PCDHGA8: variants seen among roughly 807,000 people sequenced by gnomAD.
PCDHGA8 encodes protocadherin gamma subfamily A, 8.
In PCDHGA8, 45 loss-of-function variants were observed where a neutral mutation model predicts 59.2. The ratio of observed to expected loss-of-function variants is 0.76; its 90% CI spans 0.60 to 0.98. The LOEUF is 0.98. Among genes scored for constraint, PCDHGA8 ranks in the 50% least tolerant of loss-of-function variants. The pLI is 0.00. For missense variants in PCDHGA8, 1,257 were observed against 1,196.2 expected (o/e 1.05, Z -0.75); for synonymous variants, 531 against 519.0 (o/e 1.02, Z -0.32).
chr5:141,491,178 C>T lies in PCDHGA8; in HGVS notation c.2425-3629C>T, dbSNP rs774139827. 6.2e-7 allele frequency: 1 copy of T among 1,614,146 alleles called. No individual in the cohort carries two copies. The highest frequency in any genetic ancestry group is 8.5e-7 in the Non-Finnish European group (1 of 1,179,992). On this transcript the variant is annotated intron_variant, in intron 1 of 3. Coordinates refer to ENST00000398604, the MANE Select transcript of PCDHGA8 (RefSeq NM_032088.2). The surrounding 1 kb of genome is among the most constrained non-coding windows in gnomAD (Gnocchi z 6.9). ...ACTCTGACACCCAGCAGGTGGTGGT[C>T]CTGGTGAGGGACAATGGTGACCCTT...
chr5:141,417,878 C>T, intron 1 of PCDHGA8: 1 of 1,558,216 alleles, frequency 6.4e-7, no homozygotes, highest in Non-Finnish European at 8.7e-7. Context: ...GAGCTGCGCG[C>T]AGAGGCGCCG....
At position 141,413,701 on chromosome 5, in the gene PCDHGA8, C is replaced by T. The variant is rs764950275; in HGVS notation, c.2424+18464C>T. 1.1e-4 allele frequency: 177 copies of T among 1,613,654 alleles called. No individual in the cohort carries two copies. The Admixed American group carries it at 2.9e-3, about 27-fold the overall frequency. On this transcript the variant is annotated intron_variant, in intron 1 of 3. Coordinates refer to ENST00000398604, the MANE Select transcript of PCDHGA8 (RefSeq NM_032088.2). ...CGTGAACTCCCTGCAGAGCTATCAG[C>T]TCAGCCCCAATAAGCACTTCTCCCT...
At chr5:141,501,901 C>T (rs1595767273) in intron 2 of PCDHGA8, among the ~76,000 whole-genome samples, 1 of 152,070 alleles carries the variant, frequency 6.6e-6, no homozygotes, top group Non-Finnish European at 1.5e-5. Context: ...TGGTTCCAAC[C>T]CCACTGTTCC....
At chr5:141,510,844 C>A in intron 3 of PCDHGA8, 103 bp from the exon 4 acceptor site, 1 of 1,592,684 alleles carries the variant, frequency 6.3e-7, no homozygotes, top group South Asian at 1.1e-5. Context: ...GTGGTCAAGG[C>A]CCAGGGTGCT....
At chr5:141,403,046 C>T in intron 1 of PCDHGA8, 1 of 1,614,056 alleles carries the variant, frequency 6.2e-7, no homozygotes, top group Non-Finnish European at 8.5e-7. Flanking sequence ...CAGTCAGATT[C>T]GCTACTCAGT....
intron 1 of PCDHGA8, among the ~76,000 whole-genome samples, chr5:141,463,642 G>A (rs573143516): frequency 6.6e-6 from 1 of 151,750 alleles, no homozygotes; most frequent in South Asian, 2.1e-4. Context: ...TAGTAGAGAC[G>A]GGGTTTCACC....
intron 1 of PCDHGA8, chr5:141,410,296 A>G (rs1424650333): frequency 6.2e-7 from 1 of 1,613,774 alleles, no homozygotes; most frequent in Admixed American, 1.7e-5. Flanking sequence ...CCTTGGCCTT[A>G]ATCTCAGTGC....
chr5:141,491,795 C>G lies in PCDHGA8; in HGVS notation c.2425-3012C>G. The G allele has an allele frequency of 6.6e-7, 1 of 1,511,694 alleles. No individual in the cohort carries two copies. The highest frequency in any genetic ancestry group is 8.8e-7 in the Non-Finnish European group (1 of 1,130,430). The allele number at this position is 1,511,694 out of a possible 1,614,324, so 93.6% of individuals were successfully genotyped here. On this transcript the variant is annotated intron_variant, in intron 1 of 3. Transcript: ENST00000398604. The surrounding 1 kb of genome is among the most constrained non-coding windows in gnomAD (Gnocchi z 6.9). ...GGATTGAACTTGCATCCACTCCTCT[C>G]CGGCCGGCTTGGTCGCTGGCTGCGC...
At chr5:141,418,863 TAG>T (rs1165304037) in intron 1 of PCDHGA8, 1 of 1,613,990 alleles carries the variant, frequency 6.2e-7, no homozygotes, top group Non-Finnish European at 8.5e-7. Context: ...AAAGTAATTG[TAG>T]AAGTTGTAGA....
intron 1 of PCDHGA8, chr5:141,410,723 T>G: frequency 7.2e-7 from 1 of 1,391,168 alleles, no homozygotes; most frequent in Non-Finnish European, 9.6e-7. Context: ...ATGTTTAAAA[T>G]CCATAGCTTT....
At chr5:141,484,880 T>G (rs1258072805) in intron 1 of PCDHGA8, 3 of 336,846 alleles carry the variant, frequency 8.9e-6, no homozygotes, top group Admixed American at 9.2e-5. Flanking sequence ...GAGGATAGGG[T>G]GGGCTTTTTC....
chr5:141,418,869 T>A (rs1261615662), intron 1 of PCDHGA8: 1 of 1,613,830 alleles, frequency 6.2e-7, no homozygotes, highest in Non-Finnish European at 8.5e-7. Flanking sequence ...ATTGTAGAAG[T>A]TGTAGACGAA....
At chr5:141,416,124 AT>A (rs1297389183) in intron 1 of PCDHGA8, 1 of 154,644 alleles carries the variant, frequency 6.5e-6, no homozygotes, top group Non-Finnish European at 1.4e-5. Flanking sequence ...CATTTTATAT[AT>A]TTTTCAATCT....
In PCDHGA8 at chr5:141,432,361, G is replaced by A; in HGVS notation, c.2424+37124G>A. 1 of 1,614,230 alleles carries A rather than the reference G, an allele frequency of 6.2e-7. No individual in the cohort carries two copies. Among genetic ancestry groups the A allele is most frequent in the Non-Finnish European group, 8.5e-7 (1 of 1,180,050 alleles). On this transcript the variant is annotated intron_variant, in intron 1 of 3. Coordinates refer to ENST00000398604, the MANE Select transcript of PCDHGA8 (RefSeq NM_032088.2). The surrounding 1 kb of genome is among the most constrained non-coding windows in gnomAD (Gnocchi z 6.0). Reference sequence around the variant, plus strand: ...GAGACTTGCAAGTGAAAGTGATGGCGCGGGACAACGGGCACCCGCCCCTCA... The same window carrying A: ...GAGACTTGCAAGTGAAAGTGATGGCACGGGACAACGGGCACCCGCCCCTCA...
chr5:141,478,164 C>A (rs202185809), intron 1 of PCDHGA8: 2 of 1,614,010 alleles, frequency 1.2e-6, no homozygotes, highest in African/African-American at 1.3e-5. Context: ...GGCTCTGCCC[C>A]CCGGGAGCAG....
intron 1 of PCDHGA8, among the ~76,000 whole-genome samples, chr5:141,483,834 A>G (rs2154580001): frequency 6.6e-6 from 1 of 152,212 alleles, no homozygotes; most frequent in South Asian, 2.1e-4. Flanking sequence ...CTAGGTAAGG[A>G]CTTGGTTGAA....
At chr5:141,428,058 G>A (rs752468507) in intron 1 of PCDHGA8, 4 of 1,609,140 alleles carry the variant, frequency 2.5e-6, no homozygotes, top group South Asian at 1.1e-5. Flanking sequence ...GGTGGTGGCG[G>A]TGGACGCAGA....
At chr5:141,460,453 A>T (rs1487816393) in intron 1 of PCDHGA8, among the ~76,000 whole-genome samples, 3 of 152,152 alleles carry the variant, frequency 2.0e-5, no homozygotes, top group Non-Finnish European at 4.4e-5. Flanking sequence ...ATGAAGATTC[A>T]TATTTTTTTC....
At chr5:141,462,415 C>G (rs998182982) in intron 1 of PCDHGA8, among the ~76,000 whole-genome samples, 2 of 152,092 alleles carry the variant, frequency 1.3e-5, no homozygotes, top group Non-Finnish European at 2.9e-5. Context: ...AGAATATGGT[C>G]TATCTTGGTG....
Sources: gnomAD v4.1 joint callset for allele counts (sites outside exome capture counted in the v4.1 genomes callset) on GRCh38, gnomAD v4.1.1 for gene constraint, Gnocchi (gnomAD v3.1) non-coding constraint, MANE v1.5 for transcripts, NCBI Gene and HGNC (gene_info 2026-07-23, HGNC 2026-07-21) for gene names.